Variants in SORD observed in about 807,000 individuals in gnomAD.
SORD encodes (R,R)-butanediol dehydrogenase.
A neutral mutation model predicts 35.6 loss-of-function variants in SORD; 18 were observed. The observed-to-expected ratio is 0.51, with a 90% CI of 0.35 to 0.75. The LOEUF (loss-of-function observed/expected upper bound fraction) is 0.75. Ranked by LOEUF, SORD falls within the 30% of genes least tolerant of loss-of-function variation. The pLI is 0.01. For synonymous variants in SORD, 106 were observed against 152.9 expected (o/e 0.69, Z 2.26); for missense variants, 250 against 390.2 (o/e 0.64, Z 3.03).
intron 1 of SORD, among the ~76,000 whole-genome samples, chr15:45,029,009 G>A (rs187799611): frequency 1.3e-3 from 205 of 152,250 alleles, no homozygotes; most frequent in African/African-American, 4.9e-3. Context: ...AGCAGGAGCT[G>A]GATTAAACCA....
In SORD at chr15:45,075,432, A is replaced by G. The variant is rs1893575524; in HGVS notation, c.*1902A>G. On this transcript the variant is annotated 3_prime_UTR_variant, in exon 9 of 9. Coordinates refer to ENST00000267814, the MANE Select transcript of SORD (RefSeq NM_003104.6). Reference sequence around the variant, plus strand: ...GCTGGGAGTGAGGGGCAGAGGCTCTACCAGAGAATGTCTGCTGGTGTCTTG... The same window carrying G: ...GCTGGGAGTGAGGGGCAGAGGCTCTGCCAGAGAATGTCTGCTGGTGTCTTG... 1 of 129,990 alleles carries G rather than the reference A, an allele frequency of 7.7e-6. No individual in the cohort carries two copies. Among genetic ancestry groups the G allele is most frequent in the Non-Finnish European group, 1.5e-5 (1 of 66,536 alleles). 8.1% of individuals were successfully genotyped at this position (129,990 alleles called of 1,614,324 possible). A position where few individuals can be genotyped will look rare whatever the true frequency, so the allele number is the denominator to read the frequency against.
At chr15:45,030,418 G>A (rs1481333023) in intron 1 of SORD, among the ~76,000 whole-genome samples, 2 of 152,266 alleles carry the variant, frequency 1.3e-5, no homozygotes, top group African/African-American at 4.8e-5. Flanking sequence ...GTCTTTTAGT[G>A]TGGCTGTTGA....
intron 3 of SORD, among the ~76,000 whole-genome samples, chr15:45,049,011 A>G (rs558265717): frequency 1.3e-5 from 2 of 151,882 alleles, no homozygotes; most frequent in African/African-American, 4.8e-5. Context: ...GCCCCTGCCC[A>G]CCCCCTTGCA....
intron 2 of SORD, among the ~76,000 whole-genome samples, chr15:45,041,468 C>A (rs1273300639): frequency 6.6e-6 from 1 of 151,998 alleles, no homozygotes; most frequent in Non-Finnish European, 1.5e-5. Flanking sequence ...AGAACCGCAG[C>A]TTCTGGGTGA....
chr15:45,040,083 C>T (rs1225429502), intron 1 of SORD, among the ~76,000 whole-genome samples: 2 of 151,892 alleles, frequency 1.3e-5, no homozygotes, highest in Non-Finnish European at 1.5e-5. Context: ...GGGAACCCAG[C>T]GTCAGAACTT....
chr15:45,068,950 C>A lies in SORD; in HGVS notation c.684C>A (p.Ser228Arg). 1.3e-6 allele frequency: 2 copies of A among 1,597,296 alleles called. No individual in the cohort carries two copies. Among genetic ancestry groups the A allele is most frequent in the South Asian group, 1.1e-5 (1 of 88,036 alleles). ...ADLVLQISKE[S>R]PQEIARKVEG... ...TAGTCCTCCAGATCTCCAAGGAGAG[C>A]CCTCAGGAAATCGCCAGGAAAGTAG... The change falls in exon 7 of 9, where the codon AGC (serine) becomes AGA (arginine). Residue 228 changes from serine (S) to arginine (R), a missense_variant. Physicochemically the swap from Ser to Arg is moderately radical, Grantham distance 110 (BLOSUM62 -1). Coordinates refer to ENST00000267814, the MANE Select transcript of SORD (RefSeq NM_003104.6).
chr15:45,030,164 T>C (rs1892752574), intron 1 of SORD, among the ~76,000 whole-genome samples: 2 of 152,330 alleles, frequency 1.3e-5, no homozygotes, highest in African/African-American at 4.8e-5. Flanking sequence ...GGAGGTGGAA[T>C]TTCACTGGGT....
chr15:45,064,358 G>A (rs184902960), intron 4 of SORD, among the ~76,000 whole-genome samples: 14 of 152,160 alleles, frequency 9.2e-5, no homozygotes, highest in African/African-American at 3.4e-4. Flanking sequence ...GTAAACTAAG[G>A]GTTTTCTAAA....
At chr15:45,040,381 T>C (rs778555819) in intron 1 of SORD, 27 bp from the exon 2 acceptor site, 19 of 1,350,092 alleles carry the variant, frequency 1.4e-5, no homozygotes, top group East Asian at 2.3e-5. Context: ...GCATGCTAAA[T>C]GATTTTTTCA....
chr15:45,035,481 A>G (rs1892849210), intron 1 of SORD, among the ~76,000 whole-genome samples: 1 of 151,814 alleles, frequency 6.6e-6, no homozygotes, highest in African/African-American at 2.4e-5. Flanking sequence ...GAGGTGGAAA[A>G]CCTTTGTGTC....
At chr15:45,068,720 G>C (rs1322606509) in intron 6 of SORD, among the ~76,000 whole-genome samples, 157 bp from the exon 7 acceptor site, 1 of 151,606 alleles carries the variant, frequency 6.6e-6, no homozygotes, top group East Asian at 1.9e-4. Flanking sequence ...GGACAAGCTT[G>C]GTGTGAAGAG....
At chr15:45,052,545 TA>T (rs1422024272) in intron 3 of SORD, among the ~76,000 whole-genome samples, 1 of 152,090 alleles carries the variant, frequency 6.6e-6, no homozygotes, top group Non-Finnish European at 1.5e-5. Flanking sequence ...AAATGTTAGG[TA>T]AAAACTCTGA....
At chr15:45,061,927 G>A (rs1280936433) in intron 4 of SORD, among the ~76,000 whole-genome samples, 1 of 152,116 alleles carries the variant, frequency 6.6e-6, no homozygotes, top group African/African-American at 2.4e-5. Context: ...TGACAGCAAC[G>A]GCTGACATTT....
chr15:45,023,810 C>T (rs1892627985), intron 1 of SORD, among the ~76,000 whole-genome samples: 1 of 152,198 alleles, frequency 6.6e-6, no homozygotes, highest in Non-Finnish European at 1.5e-5. Context: ...ATAAACCTCC[C>T]TTGCAGGATT....
chr15:45,068,757 C>G, intron 6 of SORD, 120 bp from the exon 7 acceptor site: 2 of 1,315,666 alleles, frequency 1.5e-6, no homozygotes, highest in Non-Finnish European at 2.0e-6. Flanking sequence ...AACACCACCA[C>G]CCATTGCACG....
In SORD at chr15:45,065,355, T is replaced by G. The variant is rs1893388087; in HGVS notation, c.510T>G (p.Val170=). The G allele has an allele frequency of 4.3e-6, 7 of 1,613,686 alleles. No individual in the cohort carries two copies. Among genetic ancestry groups the G allele is most frequent in the Non-Finnish European group, 5.1e-6 (6 of 1,179,756 alleles). Reference sequence around the variant, plus strand: ...TCCATGCCTGCAGGAGAGGCGGAGTTACCCTGGGACACAAGGTCCTTGTGT... The same window carrying G: ...TCCATGCCTGCAGGAGAGGCGGAGTGACCCTGGGACACAAGGTCCTTGTGT... The part of the protein sequence containing the change: ...VGIHACRRGG[V]TLGHKVLVCG... The change falls in exon 5 of 9, where the codon GTT becomes GTG. Residue 170 remains valine (V), a synonymous_variant. Transcript: ENST00000267814.
chr15:45,047,916 A>T (rs1219727200), intron 3 of SORD, among the ~76,000 whole-genome samples: 1 of 152,228 alleles, frequency 6.6e-6, no homozygotes. Context: ...CCAGATTCAG[A>T]CGGAGTTTAA....
intron 1 of SORD, among the ~76,000 whole-genome samples, chr15:45,024,414 A>T (rs1417330499): frequency 1.3e-5 from 2 of 152,210 alleles, no homozygotes; most frequent in African/African-American, 4.8e-5. Context: ...ACTCCCTTTA[A>T]GCCGCTCTAA....
At chr15:45,059,011 T>A (rs1257189730) in intron 3 of SORD, among the ~76,000 whole-genome samples, 1 of 152,030 alleles carries the variant, frequency 6.6e-6, no homozygotes, top group East Asian at 1.9e-4. Context: ...GGGAGGAAAC[T>A]TTTTCCTGGG....
Sources: gnomAD v4.1 joint callset for allele counts (sites outside exome capture counted in the v4.1 genomes callset) on GRCh38, gnomAD v4.1.1 for gene constraint, MANE v1.5 for transcripts, NCBI Gene and HGNC (gene_info 2026-07-23, HGNC 2026-07-21) for gene names.